Variants in PRCD observed in about 807,000 individuals in gnomAD.
The protein encoded by PRCD is photoreceptor disk component PRCD.
PRCD carries 12 observed loss-of-function variants against 10.1 expected under a neutral mutation model. The ratio of observed to expected loss-of-function variants is 1.18; its 90% CI spans 0.76 to 1.92. PRCD has a LOEUF of 1.92. PRCD is among the 40% of genes most tolerant of loss of function. PRCD has a pLI of 0.00. For synonymous variants in PRCD, 31 were observed against 26.2 expected, an observed-to-expected ratio of 1.18 and a Z score of -0.56; for missense variants, 61 against 72.2, an observed-to-expected ratio of 0.84 and a Z score of 0.56.
In PRCD at chr17:76,540,229, C is replaced by T. The variant is rs200645008; in HGVS notation, c.74+14C>T. ...CCGAGTCCAACCGTGAGAAACTGAC[C>T]GGGCTATGGCTGGCGGTTGGTCGGG... On this transcript the variant is annotated intron_variant, in intron 1 of 4. Transcript: ENST00000592014. This position sits in a 1 kb window ranked among gnomAD's most constrained non-coding sequence, Gnocchi z 5.0. 1.5e-3 allele frequency: 1,171 copies of T among 780,142 alleles called. 10 individuals are homozygous for T. The African/African-American group carries it at 0.024, about 16-fold the overall frequency. 48.3% of individuals were successfully genotyped at this position (780,142 alleles called of 1,614,324 possible).
intron 2 of PRCD, among the ~76,000 whole-genome samples, chr17:76,541,929 T>C (rs1340266828): frequency 6.6e-6 from 1 of 152,230 alleles, no homozygotes; most frequent in African/African-American, 2.4e-5. Context: ...GATTGCTCCA[T>C]AAATGCTAGC....
At position 76,540,654 on chromosome 17, in the gene PRCD, T is replaced by TGCCTGTGCGC. The variant is rs1230473854; in HGVS notation, c.143+91_143+100dup. 143 of 1,402,936 alleles carry TGCCTGTGCGC rather than the reference T, an allele frequency of 1.0e-4. No individual in the cohort carries two copies. The highest frequency in any genetic ancestry group is 1.3e-4 in the Non-Finnish European group (131 of 996,286). 86.9% of individuals were successfully genotyped at this position (1,402,936 alleles called of 1,614,324 possible). ...GTGCATGCCTGGGGGTGCACGTGTG[T>TGCCTGTGCGC]GCCTGTGCGCGCCTGTGCGTGCACC... On this transcript the variant is annotated intron_variant, in intron 2 of 4. Coordinates refer to ENST00000592014, the MANE Select transcript of PRCD (RefSeq NM_001077620.3). The surrounding 1 kb of genome is among the most constrained non-coding windows in gnomAD (Gnocchi z 5.0).
rs368950993 is a variant in PRCD at position 76,531,699 on chromosome 17, G to A, written n.45+3866G>A. 1.6e-5 allele frequency: 26 copies of A among 1,587,620 alleles called. No homozygotes were observed. The African/African-American group carries it at 2.9e-4, about 18-fold the overall frequency. ...GGGAAGTTCACAAAGAACCTGGCAA[G>A]AGGAACAGGGGTGGTCGCTGAAGCT... On this transcript the variant is annotated intron_variant and non_coding_transcript_variant, in intron 1 of 4. Coordinates refer to the PRCD transcript ENST00000397633. This position sits in a 1 kb window ranked among gnomAD's most constrained non-coding sequence, Gnocchi z 7.4.
chr17:76,531,874 A>C lies in PRCD; in HGVS notation n.45+4041A>C. The C allele has an allele frequency of 1.8e-6, 1 of 556,986 alleles. No homozygotes were observed. The allele number at this position is 556,986 out of a possible 1,614,324, so 34.5% of individuals were successfully genotyped here. A position where few individuals can be genotyped will look rare whatever the true frequency, so the allele number is the denominator to read the frequency against. ...CTCCTCCCTCTGGCCAAGCCGGCTC[A>C]CCCCTACCAAGTCTGGCCATGTCTA... On this transcript the variant is annotated intron_variant and non_coding_transcript_variant, in intron 1 of 4. Transcript: ENST00000397633. The surrounding 1 kb of genome is among the most constrained non-coding windows in gnomAD (Gnocchi z 7.4).
At position 76,540,101 on chromosome 17, in the gene PRCD, T is replaced by C. The variant is rs751966024; in HGVS notation, c.-41T>C. ...CCATTTTGGCCCCTCGCCTGTGGCC[T>C]TCTGCAGACTTGGCCTGGGAGGGGA... On this transcript the variant is annotated 5_prime_UTR_variant, in exon 1 of 5. Coordinates refer to ENST00000592014, the MANE Select transcript of PRCD (RefSeq NM_001077620.3). The surrounding 1 kb of genome is among the most constrained non-coding windows in gnomAD (Gnocchi z 5.0). 6.3e-7 allele frequency: 1 copy of C among 1,576,616 alleles called. No homozygotes were observed. The highest frequency in any genetic ancestry group is 8.6e-7 in the Non-Finnish European group (1 of 1,160,576).
chr17:76,545,511 G>A (rs2075045965), downstream of PRCD: 2 of 389,718 alleles, frequency 5.1e-6, no homozygotes, highest in Middle Eastern at 8.6e-4. Context: ...GCCAAAGGGT[G>A]GGGTCCCTTC....
chr17:76,549,347 G>T (rs1007934322), downstream of PRCD, among the ~76,000 whole-genome samples: 3 of 152,248 alleles, frequency 2.0e-5, no homozygotes, highest in African/African-American at 7.2e-5. Context: ...TCGACATGCG[G>T]CTGGGCGCGG....
Position 76,528,533 on chromosome 17 carries a change from CT to C in PRCD, n.45+702del. The C allele has an allele frequency of 7.8e-7, 1 of 1,282,618 alleles. No homozygotes were observed. Among genetic ancestry groups the C allele is most frequent in the South Asian group, 2.9e-5 (1 of 34,812 alleles). The allele number at this position is 1,282,618 out of a possible 1,614,324, so 79.5% of individuals were successfully genotyped here. On this transcript the variant is annotated intron_variant and non_coding_transcript_variant, in intron 1 of 4. Coordinates refer to the PRCD transcript ENST00000397633. This position sits in a 1 kb window ranked among gnomAD's most constrained non-coding sequence, Gnocchi z 5.8. ...TCAAGGAGGGTCTTCAGAACTCGGCCTTCTGCTCGAGGTGCTGCCAGGGAGG... is the reference window on the plus strand; with the variant it reads ...TCAAGGAGGGTCTTCAGAACTCGGCCTCTGCTCGAGGTGCTGCCAGGGAGG...
At chr17:76,547,770 C>T (rs2075067133), downstream of PRCD, among the ~76,000 whole-genome samples, 1 of 150,196 alleles carries the variant, frequency 6.7e-6, no homozygotes, top group African/African-American at 2.5e-5. Context: ...CCTATACAAA[C>T]ATATAATACA....
rs560943649 is a variant in PRCD at position 76,544,487 on chromosome 17, C to T, written c.*837C>T. ...TCGGGGAGCCTGGCTGGGGTGTGTGCGAAGGCAGTTCTGTGGGAGCCTCTC... is the reference window on the plus strand; with the variant it reads ...TCGGGGAGCCTGGCTGGGGTGTGTGTGAAGGCAGTTCTGTGGGAGCCTCTC... On this transcript the variant is annotated 3_prime_UTR_variant, in exon 5 of 5. Transcript: ENST00000592014. The T allele has an allele frequency of 4.6e-5, 21 of 455,896 alleles. 1 individual carries two copies. The highest frequency in any genetic ancestry group is 3.4e-4 in the African/African-American group (17 of 50,162). The allele number at this position is 455,896 out of a possible 1,614,324, so 28.2% of individuals were successfully genotyped here. A position where few individuals can be genotyped will look rare whatever the true frequency, so the allele number is the denominator to read the frequency against.
rs1156381882 is a variant in PRCD, at chr17:76,533,131, T to C, written n.45+5298T>C. 1.3e-5 allele frequency among the ~76,000 whole-genome samples: 2 copies of C among 152,156 alleles called. No homozygotes were observed. The highest frequency in any genetic ancestry group is 4.8e-5 in the African/African-American group (2 of 41,432). On this transcript the variant is annotated intron_variant and non_coding_transcript_variant, in intron 1 of 4. Coordinates refer to the PRCD transcript ENST00000397633. The surrounding 1 kb of genome is among the most constrained non-coding windows in gnomAD (Gnocchi z 4.5). ...ATCCCTGCTGCTGGTGGAACTGCTA[T>C]TGGCGGGGAAGTTTGCACAGTGACC...
chr17:76,549,348 C>A (rs1205842554), downstream of PRCD, among the ~76,000 whole-genome samples: 1 of 152,236 alleles, frequency 6.6e-6, no homozygotes, highest in Non-Finnish European at 1.5e-5. Flanking sequence ...CGACATGCGG[C>A]TGGGCGCGGT....
rs886869694 is a variant in PRCD, at chr17:76,544,601, G to C, written c.*951G>C. On this transcript the variant is annotated 3_prime_UTR_variant, in exon 5 of 5. Coordinates refer to ENST00000592014, the MANE Select transcript of PRCD (RefSeq NM_001077620.3). ...CCAGAGCGCCAGCCTGACCCAGGCCGTGAGCCCGTGATCGCCTGTCTCAGC... is the reference window on the plus strand; with the variant it reads ...CCAGAGCGCCAGCCTGACCCAGGCCCTGAGCCCGTGATCGCCTGTCTCAGC... 3 of 456,628 alleles carry C rather than the reference G, an allele frequency of 6.6e-6. No homozygotes were observed. Among genetic ancestry groups the C allele is most frequent in the Admixed American group, 2.3e-5 (1 of 42,568 alleles). 28.3% of individuals were successfully genotyped at this position (456,628 alleles called of 1,614,324 possible). A position where few individuals can be genotyped will look rare whatever the true frequency, so the allele number is the denominator to read the frequency against.
chr17:76,536,045 T>G (rs576545300), upstream of PRCD, among the ~76,000 whole-genome samples: 1 of 152,134 alleles, frequency 6.6e-6, no homozygotes, highest in Non-Finnish European at 1.5e-5. Flanking sequence ...TGTGCTTGTG[T>G]GGGTGCCAGC....
chr17:76,537,667 C>T (rs1416712562), upstream of PRCD: 2 of 865,670 alleles, frequency 2.3e-6, no homozygotes, highest in Middle Eastern at 5.9e-4. Context: ...GGGTAGAGCG[C>T]GGAGGGAGGG....
chr17:76,542,613 G>A lies in PRCD; in HGVS notation c.*39G>A. ...CAGGTGGGGCTCAGGCCCAGAGACTGGGATCAGCTGGCTCAGGCAGGTAGG... is the reference window on the plus strand; with the variant it reads ...CAGGTGGGGCTCAGGCCCAGAGACTAGGATCAGCTGGCTCAGGCAGGTAGG... On this transcript the variant is annotated 3_prime_UTR_variant, in exon 3 of 5. Coordinates refer to ENST00000592014, the MANE Select transcript of PRCD (RefSeq NM_001077620.3). 6.2e-7 allele frequency: 1 copy of A among 1,613,268 alleles called. No individual in the cohort carries two copies. Among genetic ancestry groups the A allele is most frequent in the Non-Finnish European group, 8.5e-7 (1 of 1,179,174 alleles).
intron 1 of PRCD, chr17:76,529,074 G>T (rs574031274): frequency 1.2e-5 from 11 of 943,576 alleles, no homozygotes; most frequent in Non-Finnish European, 1.4e-5. Flanking sequence ...CCACGCAAAG[G>T]CGCACACCCT....
upstream of PRCD, chr17:76,537,489 C>T: frequency 6.3e-7 from 1 of 1,586,774 alleles, no homozygotes; most frequent in Middle Eastern, 1.7e-4. Context: ...CCTCGGACAG[C>T]TCCTCGCTCC....
upstream of PRCD, among the ~76,000 whole-genome samples, chr17:76,539,492 G>A (rs1360612747): frequency 1.3e-5 from 2 of 152,132 alleles, no homozygotes; most frequent in Non-Finnish European, 2.9e-5. Context: ...TTGTCCAGAG[G>A]GTAAAACTGC....
Sources: allele counts gnomAD v4.1 joint callset (sites outside exome capture counted in the v4.1 genomes callset), GRCh38; gene constraint gnomAD v4.1.1; non-coding constraint Gnocchi (gnomAD v3.1); transcripts MANE v1.5; gene names NCBI Gene and HGNC (gene_info 2026-07-23, HGNC 2026-07-21).